Variants in POU2F1 observed in about 807,000 individuals in gnomAD.
The protein encoded by POU2F1 is POU domain, class 2, transcription factor 1.
Under a neutral mutation model 84.9 loss-of-function variants are expected in POU2F1, and 16 were observed. The ratio of observed to expected loss-of-function variants is 0.19; its 90% CI spans 0.13 to 0.29. The LOEUF is 0.29. Among genes scored for constraint, POU2F1 ranks in the 10% least tolerant of loss-of-function variants. The pLI is 1.00. For synonymous variants in POU2F1, 368 were observed against 368.3 expected, an observed-to-expected ratio of 1.00 and a Z score of 0.01; for missense variants, 738 against 942.6, an observed-to-expected ratio of 0.78 and a Z score of 2.84.
At chr1:167,312,043 T>C (rs1655519108) in intron 1 of POU2F1, among the ~76,000 whole-genome samples, 1 of 152,006 alleles carries the variant, frequency 6.6e-6, no homozygotes, top group African/African-American at 2.4e-5. Flanking sequence ...CAAGCAATTC[T>C]CCTGCCTCAG....
chr1:167,357,626 G>T (rs1022858728), intron 2 of POU2F1: 1 of 151,588 alleles, frequency 6.6e-6, no homozygotes, highest in African/African-American at 2.4e-5. Flanking sequence ...TAATCCACCT[G>T]CCTCAGCCTC....
chr1:167,299,634 A>T (rs980227414), intron 1 of POU2F1, among the ~76,000 whole-genome samples: 4 of 150,978 alleles, frequency 2.6e-5, no homozygotes, highest in African/African-American at 9.9e-5. Context: ...ACTACTGTTT[A>T]TCTCTGCATA....
intron 1 of POU2F1, among the ~76,000 whole-genome samples, chr1:167,318,019 T>C (rs6667125): frequency 0.73 from 111,510 of 152,140 alleles, 41,048 homozygotes; most frequent in East Asian, 0.87. Flanking sequence ...TCCATTTTAA[T>C]GGGTTAATAG....
chr1:167,311,886 TC>T (rs1655506686), intron 1 of POU2F1, among the ~76,000 whole-genome samples: 1 of 151,702 alleles, frequency 6.6e-6, no homozygotes, highest in East Asian at 2.0e-4. Context: ...CACTGCAGCC[TC>T]CACCTCCTTG....
At chr1:167,231,925 C>G (rs919063539) in intron 1 of POU2F1, among the ~76,000 whole-genome samples, 14 of 152,182 alleles carry the variant, frequency 9.2e-5, no homozygotes, top group Non-Finnish European at 1.6e-4. Flanking sequence ...GCAGACATCT[C>G]AGACATCCCT....
intron 1 of POU2F1, among the ~76,000 whole-genome samples, chr1:167,244,126 G>A (rs549072978): frequency 6.6e-6 from 1 of 152,266 alleles, no homozygotes; most frequent in African/African-American, 2.4e-5. Flanking sequence ...TGGCTGGAGC[G>A]GTGTGAGAAT....
At chr1:167,358,115 T>C (rs1204414354) in intron 2 of POU2F1, among the ~76,000 whole-genome samples, 1 of 148,472 alleles carries the variant, frequency 6.7e-6, no homozygotes, top group African/African-American at 2.5e-5. Context: ...TTGATCTTTT[T>C]TCTTTTCTTT....
intron 4 of POU2F1, among the ~76,000 whole-genome samples, chr1:167,370,937 G>A (rs1009545927): frequency 3.3e-5 from 5 of 152,124 alleles, no homozygotes; most frequent in Admixed American, 3.3e-4. Context: ...TCAACCTGCT[G>A]GTTCCTTTCA....
chr1:167,298,873 T>C (rs938523511), intron 1 of POU2F1, among the ~76,000 whole-genome samples: 12 of 152,100 alleles, frequency 7.9e-5, no homozygotes, highest in East Asian at 1.9e-4. Context: ...ATTAGAATTA[T>C]GGAAGGAAGG....
At chr1:167,311,769 A>ATTAT (rs1553206340) in intron 1 of POU2F1, among the ~76,000 whole-genome samples, 1 of 107,882 alleles carries the variant, frequency 9.3e-6, no homozygotes, top group Non-Finnish European at 2.0e-5. Context: ...ATTACAAAAA[A>ATTAT]TCATTTATTT....
At chr1:167,246,801 A>G (rs975913701) in intron 1 of POU2F1, among the ~76,000 whole-genome samples, 2 of 152,210 alleles carry the variant, frequency 1.3e-5, no homozygotes, top group Non-Finnish European at 2.9e-5. Flanking sequence ...AAATTTGGAA[A>G]TAACCTAAAT....
chr1:167,326,055 C>T (rs1484176818), intron 1 of POU2F1, among the ~76,000 whole-genome samples: 2 of 152,110 alleles, frequency 1.3e-5, no homozygotes, highest in African/African-American at 2.4e-5. Context: ...TATGTTACTA[C>T]TATTTCCTAT....
chr1:167,399,295 T>A lies in POU2F1; in HGVS notation c.1379T>A (p.Ile460Asn). 6.2e-7 allele frequency: 1 copy of A among 1,614,004 alleles called. No homozygotes were observed. The highest frequency in any genetic ancestry group is 1.1e-5 in the South Asian group (1 of 91,070). Residue 460 changes from isoleucine (I) to asparagine (N), a missense_variant, in exon 12 of 16, where the codon ATC becomes AAC. Physicochemically the swap from Ile to Asn is moderately radical, Grantham distance 149. Coordinates refer to ENST00000367866, the MANE Select transcript of POU2F1 (RefSeq NM_002697.4). ...AACCGCCGCCAGAAAGAAAAAAGAA[T>A]CAACCCACCAAGCAGTGGTGGGACC... ...FCNRRQKEKRINPPSSGGTSS... is the reference protein window; with the variant it reads ...FCNRRQKEKRNNPPSSGGTSS...
At chr1:167,323,889 C>T (rs1176230341) in intron 1 of POU2F1, among the ~76,000 whole-genome samples, 12 of 152,084 alleles carry the variant, frequency 7.9e-5, no homozygotes, top group Non-Finnish European at 1.3e-4. Context: ...GATAGGGTTT[C>T]ACCATGTTGG....
intron 1 of POU2F1, among the ~76,000 whole-genome samples, chr1:167,234,483 G>A (rs376517778): frequency 1.3e-5 from 2 of 152,172 alleles, no homozygotes; most frequent in South Asian, 4.1e-4. Flanking sequence ...TGTAATCCCA[G>A]CACTTTGGGA....
intron 1 of POU2F1, among the ~76,000 whole-genome samples, chr1:167,309,154 G>A (rs1209048300): frequency 6.7e-6 from 1 of 149,820 alleles, no homozygotes; most frequent in African/African-American, 2.5e-5. Context: ...GTAGAAAGTA[G>A]CATTTAGAAG....
intron 1 of POU2F1, among the ~76,000 whole-genome samples, chr1:167,312,833 C>G (rs1268431966): frequency 6.6e-6 from 1 of 152,110 alleles, no homozygotes; most frequent in African/African-American, 2.4e-5. Flanking sequence ...GGTATCTTTT[C>G]TATGTTTATG....
intron 1 of POU2F1, among the ~76,000 whole-genome samples, chr1:167,241,143 A>AAAAT (rs916521381): frequency 2.7e-4 from 41 of 152,192 alleles, no homozygotes; most frequent in East Asian, 7.7e-4. Context: ...ACGCCATCTA[A>AAAAT]AAATAAATAA....
intron 8 of POU2F1, among the ~76,000 whole-genome samples, chr1:167,385,018 A>T (rs1647857388): frequency 6.6e-6 from 1 of 152,158 alleles, no homozygotes. Flanking sequence ...ATACAAACTC[A>T]ATATATAAAA....
Sources: allele counts gnomAD v4.1 joint callset (sites outside exome capture counted in the v4.1 genomes callset), GRCh38; gene constraint gnomAD v4.1.1; transcripts MANE v1.5; gene names NCBI Gene and HGNC (gene_info 2026-07-23, HGNC 2026-07-21).